TMEFF2: variants seen among roughly 807,000 people sequenced by gnomAD.
The protein encoded by TMEFF2 is transmembrane protein with EGF like and two follistatin like domains 2, also known as tomoregulin-2.
TMEFF2 carries 28 observed loss-of-function variants against 53.8 expected under a neutral mutation model. The observed-to-expected ratio is 0.52, with a 90% CI of 0.39 to 0.71. The LOEUF (loss-of-function observed/expected upper bound fraction) is 0.71. Ranked by LOEUF, TMEFF2 falls within the 30% of genes least tolerant of loss-of-function variation. The probability of loss-of-function intolerance (pLI) is 0.00; values close to 1 mark genes in which losing one functional copy is unlikely to be tolerated. For synonymous variants in TMEFF2, 162 were observed against 166.3 expected (o/e 0.97, Z 0.20); for missense variants, 353 against 455.2 (o/e 0.78, Z 2.04).
intron 7 of TMEFF2, among the ~76,000 whole-genome samples, chr2:191,989,703 T>C (rs1351217202): frequency 1.3e-5 from 2 of 152,126 alleles, no homozygotes; most frequent in Non-Finnish European, 2.9e-5. Context: ...TTCTGGCATA[T>C]CCTGTCCAGT....
intron 4 of TMEFF2, among the ~76,000 whole-genome samples, chr2:192,175,300 T>C (rs1419933672): frequency 6.6e-6 from 1 of 151,728 alleles, no homozygotes; most frequent in African/African-American, 2.4e-5. Context: ...GCAGTTCACA[T>C]AATCAGAAAT....
chr2:192,117,338 T>C (rs1223916382), intron 4 of TMEFF2, among the ~76,000 whole-genome samples: 1 of 152,194 alleles, frequency 6.6e-6, no homozygotes, highest in Admixed American at 6.5e-5. Context: ...TATACTGTTA[T>C]GTGCTCACAT....
chr2:192,020,764 A>C (rs1226919781), intron 5 of TMEFF2, among the ~76,000 whole-genome samples: 1 of 152,142 alleles, frequency 6.6e-6, no homozygotes, highest in Non-Finnish European at 1.5e-5. Flanking sequence ...TTTTAATAAG[A>C]TTTCAACAAA....
intron 4 of TMEFF2, among the ~76,000 whole-genome samples, chr2:192,139,850 T>C (rs149981679): frequency 1.3e-5 from 2 of 152,336 alleles, no homozygotes; most frequent in African/African-American, 2.4e-5. Flanking sequence ...TTTGTAGCTA[T>C]AGAAGAGCCC....
intron 4 of TMEFF2, among the ~76,000 whole-genome samples, chr2:192,119,801 G>C (rs1280105335): frequency 3.9e-5 from 6 of 152,160 alleles, no homozygotes; most frequent in African/African-American, 1.4e-4. Flanking sequence ...TGACAGCAGT[G>C]TAGTTTTCAC....
At chr2:192,105,061 A>G (rs972516007) in intron 4 of TMEFF2, among the ~76,000 whole-genome samples, 1 of 152,038 alleles carries the variant, frequency 6.6e-6, no homozygotes, top group African/African-American at 2.4e-5. Context: ...ATTTTGTCAC[A>G]TGAATTATTA....
At chr2:191,977,454 T>G (rs1376701223) in intron 7 of TMEFF2, among the ~76,000 whole-genome samples, 1 of 151,634 alleles carries the variant, frequency 6.6e-6, no homozygotes, top group Non-Finnish European at 1.5e-5. Flanking sequence ...AGTAATGAAT[T>G]TTTTTTAAAG....
At chr2:192,107,744 C>T (rs561770623) in intron 4 of TMEFF2, among the ~76,000 whole-genome samples, 4 of 151,750 alleles carry the variant, frequency 2.6e-5, no homozygotes, top group South Asian at 2.1e-4. Flanking sequence ...GTTTTCTCCA[C>T]GTATGGCAAT....
At chr2:192,161,533 G>A (rs1690633838) in intron 4 of TMEFF2, among the ~76,000 whole-genome samples, 1 of 152,176 alleles carries the variant, frequency 6.6e-6, no homozygotes, top group Non-Finnish European at 1.5e-5. Context: ...CAGGCATAAT[G>A]CACTTCCAAA....
At chr2:192,030,802 G>A (rs977998590) in intron 5 of TMEFF2, 1 of 152,206 alleles carries the variant, frequency 6.6e-6, no homozygotes, top group Admixed American at 6.5e-5. Context: ...GGACTTAGCA[G>A]CTGAGTAGAT....
intron 4 of TMEFF2, among the ~76,000 whole-genome samples, chr2:192,171,991 A>G (rs1399929443): frequency 6.7e-6 from 1 of 149,938 alleles, no homozygotes; most frequent in Non-Finnish European, 1.5e-5. Flanking sequence ...AGCTACTTAG[A>G]GTATTTCACT....
At chr2:192,188,905 T>C (rs1467468179) in intron 2 of TMEFF2, among the ~76,000 whole-genome samples, 1 of 151,658 alleles carries the variant, frequency 6.6e-6, no homozygotes, top group Non-Finnish European at 1.5e-5. Context: ...TGTCTCCAAA[T>C]TTTCATCCTC....
At chr2:192,038,145 G>A (rs996554526) in intron 5 of TMEFF2, 4 of 152,160 alleles carry the variant, frequency 2.6e-5, no homozygotes, top group African/African-American at 9.7e-5. Context: ...AAAGTCCTTT[G>A]AGTCTTACAA....
rs1200040549 is a variant in TMEFF2, at chr2:191,949,848, C to CCAT, written c.*460_*462dup. 1.0e-6 allele frequency: 1 copy of CCAT among 985,920 alleles called. No homozygotes were observed. Among genetic ancestry groups the CCAT allele is most frequent in the Non-Finnish European group, 1.2e-6 (1 of 830,084 alleles). The allele number at this position is 985,920 out of a possible 1,614,324, so 61.1% of individuals were successfully genotyped here. A position where few individuals can be genotyped will look rare whatever the true frequency, so the allele number is the denominator to read the frequency against. ...AATTATTTTTTCTCTTTTCCAATAA[C>CCAT]CATCATTTCCCTTGATCTTGGAATC... On this transcript the variant is annotated 3_prime_UTR_variant, in exon 10 of 10. Coordinates refer to ENST00000272771, the MANE Select transcript of TMEFF2 (RefSeq NM_016192.4).
At chr2:192,145,384 C>T (rs1033109750) in intron 4 of TMEFF2, among the ~76,000 whole-genome samples, 2 of 151,686 alleles carry the variant, frequency 1.3e-5, no homozygotes, top group African/African-American at 4.8e-5. Context: ...TGAAAAGAGA[C>T]AGCAATATAG....
chr2:192,097,173 T>C (rs527237521), intron 4 of TMEFF2, among the ~76,000 whole-genome samples: 2 of 152,232 alleles, frequency 1.3e-5, no homozygotes, highest in Non-Finnish European at 2.9e-5. Flanking sequence ...AAATTAAGCG[T>C]GCACTTCTAC....
chr2:192,184,613 T>A, intron 2 of TMEFF2, 130 bp from the exon 3 acceptor site: 1 of 1,167,394 alleles, frequency 8.6e-7, no homozygotes, highest in South Asian at 1.8e-5. Context: ...TTGTGTCCAA[T>A]AAGTCTTTAT....
chr2:191,999,574 C>T (rs1686306976), intron 5 of TMEFF2, among the ~76,000 whole-genome samples: 1 of 151,990 alleles, frequency 6.6e-6, no homozygotes. Context: ...TTGAATCTTA[C>T]TCTTCCTTCT....
At chr2:192,188,857 A>C (rs904793533) in intron 2 of TMEFF2, among the ~76,000 whole-genome samples, 2 of 150,024 alleles carry the variant, frequency 1.3e-5, no homozygotes, top group Non-Finnish European at 3.0e-5. Flanking sequence ...CTATCTATCT[A>C]TCTATCTATC....
Sources: gnomAD v4.1 joint callset for allele counts (sites outside exome capture counted in the v4.1 genomes callset) on GRCh38, gnomAD v4.1.1 for gene constraint, MANE v1.5 for transcripts, NCBI Gene and HGNC (gene_info 2026-07-23, HGNC 2026-07-21) for gene names.